Variants in TTC9 observed in about 807,000 individuals in gnomAD.
The protein encoded by TTC9 is tetratricopeptide repeat protein 9A.
In TTC9, 13 loss-of-function variants were observed where a neutral mutation model predicts 22.9. The ratio of observed to expected loss-of-function variants is 0.57; its 90% CI spans 0.37 to 0.90. TTC9 has a LOEUF of 0.90. TTC9 is among the 40% of genes least tolerant of loss of function. TTC9 has a pLI of 0.01. For synonymous variants in TTC9, 148 were observed against 133.2 expected (o/e 1.11, Z -0.77); for missense variants, 280 against 291.8 (o/e 0.96, Z 0.29).
chr14:70,650,502 G>A (rs1885968680), intron 1 of TTC9, among the ~76,000 whole-genome samples: 1 of 152,142 alleles, frequency 6.6e-6, no homozygotes, highest in Non-Finnish European at 1.5e-5. Context: ...ATTCTCTTCA[G>A]ACATCTTCTT....
chr14:70,656,210 TACACACACACACACAC>T (rs34334641), intron 1 of TTC9, among the ~76,000 whole-genome samples: 2 of 147,910 alleles, frequency 1.4e-5, no homozygotes, highest in South Asian at 2.2e-4. Context: ...TTCACCCTGA[TACACACACACACACAC>T]ACACACACAC....
At position 70,672,968 on chromosome 14, in the gene TTC9, A is replaced by G. The variant is rs992933781; in HGVS notation, c.*1813A>G. ...GAACAGGACAATATGTATTAACCTG[A>G]AAAGTGTTCATGATGTCAGTGATAG... On this transcript the variant is annotated 3_prime_UTR_variant, in exon 3 of 3. Coordinates refer to ENST00000256367, the MANE Select transcript of TTC9 (RefSeq NM_015351.2). 1 of 152,210 alleles carries G rather than the reference A, an allele frequency of 6.6e-6. No homozygotes were observed. The highest frequency in any genetic ancestry group is 6.6e-5 in the Admixed American group (1 of 15,266). 9.4% of individuals were successfully genotyped at this position (152,210 alleles called of 1,614,324 possible). A position where few individuals can be genotyped will look rare whatever the true frequency, so the allele number is the denominator to read the frequency against.
chr14:70,659,559 T>A (rs183522045), intron 1 of TTC9, among the ~76,000 whole-genome samples: 29 of 152,112 alleles, frequency 1.9e-4, no homozygotes, highest in Admixed American at 3.9e-4. Context: ...AACTTTGCAG[T>A]TGGTTTTGTT....
intron 1 of TTC9, among the ~76,000 whole-genome samples, chr14:70,661,380 G>A (rs1367571290): frequency 3.3e-5 from 5 of 152,138 alleles, no homozygotes; most frequent in Admixed American, 2.6e-4. Flanking sequence ...AAATGGATAC[G>A]GTGCAACCCC....
At position 70,672,830 on chromosome 14, in the gene TTC9, G is replaced by A. The variant is rs553339923; in HGVS notation, c.*1675G>A. Reference sequence around the variant, plus strand: ...ATCCCAAGGTTGCATGGCCTTTAGTGGCATAGCTAGGATTTGAACCAGGCC... The same window carrying A: ...ATCCCAAGGTTGCATGGCCTTTAGTAGCATAGCTAGGATTTGAACCAGGCC... On this transcript the variant is annotated 3_prime_UTR_variant, in exon 3 of 3. Transcript: ENST00000256367. The A allele has an allele frequency of 3.9e-5, 6 of 152,342 alleles. No homozygotes were observed. The East Asian group carries it at 9.6e-4, about 24-fold the overall frequency. The allele number at this position is 152,342 out of a possible 1,614,324, so 9.4% of individuals were successfully genotyped here.
chr14:70,650,634 G>C (rs1885971525), intron 1 of TTC9, among the ~76,000 whole-genome samples: 1 of 128,130 alleles, frequency 7.8e-6, no homozygotes, highest in East Asian at 2.6e-4. Context: ...CTGATTTTCA[G>C]AAAATTAAGG....
chr14:70,650,164 A>G (rs2008318), intron 1 of TTC9, among the ~76,000 whole-genome samples: 112,869 of 152,118 alleles, frequency 0.74, 42,732 homozygotes, highest in Non-Finnish European at 0.81. Flanking sequence ...AGTGGCTCAC[A>G]GCGGTGCAGC....
At chr14:70,668,181 A>C (rs926550578) in intron 2 of TTC9, among the ~76,000 whole-genome samples, 1 of 152,220 alleles carries the variant, frequency 6.6e-6, no homozygotes, top group African/African-American at 2.4e-5. Flanking sequence ...AGCACCTTTC[A>C]GGAAGCATGC....
chr14:70,655,422 A>C (rs1439981801), intron 1 of TTC9, among the ~76,000 whole-genome samples: 1 of 150,894 alleles, frequency 6.6e-6, no homozygotes, highest in Non-Finnish European at 1.5e-5. Flanking sequence ...AAAAAAAACA[A>C]AGAAGAAGGT....
rs1443629252 is a variant in TTC9, at chr14:70,642,554, C to G, written c.406+19C>G. 5.9e-6 allele frequency: 9 copies of G among 1,528,036 alleles called. No homozygotes were observed. The East Asian group carries it at 7.6e-5, about 13-fold the overall frequency. The allele number at this position is 1,528,036 out of a possible 1,614,324, so 94.7% of individuals were successfully genotyped here. A position where few individuals can be genotyped will look rare whatever the true frequency, so the allele number is the denominator to read the frequency against. On this transcript the variant is annotated intron_variant, in intron 1 of 2. Transcript: ENST00000256367. ...CTGGCAGGTGAGCCGCGCCGCGCCC[C>G]CCGCGCCGCGGTCCCCGTTCTTCGG...
In TTC9 at chr14:70,642,048, G is replaced by A; in HGVS notation, c.-82G>A. 1.0e-6 allele frequency: 1 copy of A among 967,046 alleles called. No homozygotes were observed. The highest frequency in any genetic ancestry group is 1.2e-6 in the Non-Finnish European group (1 of 808,056). The allele number at this position is 967,046 out of a possible 1,614,324, so 59.9% of individuals were successfully genotyped here. A position where few individuals can be genotyped will look rare whatever the true frequency, so the allele number is the denominator to read the frequency against. ...GCGAGGCGCGGGGCCGGCGCCCGCG[G>A]CTTTTAAACCCGGGAAGGCGCGGCG... is the stretch of plus-strand genomic sequence containing the variant. On this transcript the variant is annotated 5_prime_UTR_variant, in exon 1 of 3. Coordinates refer to ENST00000256367, the MANE Select transcript of TTC9 (RefSeq NM_015351.2).
chr14:70,671,257 C>T lies in TTC9; in HGVS notation c.*102C>T. ...GGATTCTGTCCCTTTCTCCCCACTT[C>T]TTCTGGCTCCTCATTTTTCCTCCTG... is the stretch of plus-strand genomic sequence containing the variant. On this transcript the variant is annotated 3_prime_UTR_variant, in exon 3 of 3. Coordinates refer to ENST00000256367, the MANE Select transcript of TTC9 (RefSeq NM_015351.2). 1 of 940,232 alleles carries T rather than the reference C, an allele frequency of 1.1e-6. No homozygotes were observed. The highest frequency in any genetic ancestry group is 1.5e-5 in the South Asian group (1 of 66,836). 58.2% of individuals were successfully genotyped at this position (940,232 alleles called of 1,614,324 possible).
chr14:70,673,859 G>A lies in TTC9; in HGVS notation c.*2704G>A, dbSNP rs1164670872. On this transcript the variant is annotated 3_prime_UTR_variant, in exon 3 of 3. Coordinates refer to ENST00000256367, the MANE Select transcript of TTC9 (RefSeq NM_015351.2). ...ATGTAGAAAGATCAAAAACCAGAAC[G>A]AAATGAAGACAGCCTCTCAGAACCT... The A allele has an allele frequency of 2.0e-5, 3 of 152,074 alleles. No homozygotes were observed. Among genetic ancestry groups the A allele is most frequent in the South Asian group, 2.1e-4 (1 of 4,818 alleles). 9.4% of individuals were successfully genotyped at this position (152,074 alleles called of 1,614,324 possible).
At position 70,671,185 on chromosome 14, in the gene TTC9, G is replaced by A. The variant is rs376686349; in HGVS notation, c.*30G>A. The A allele has an allele frequency of 2.7e-5, 43 of 1,599,952 alleles. No homozygotes were observed. The highest frequency in any genetic ancestry group is 2.4e-4 in the South Asian group (22 of 90,580). ...GAAGCAGCTCCAGAGCTGCGCCCAC[G>A]CCTGACCGGGGACTTCCAGGCATCC... On this transcript the variant is annotated 3_prime_UTR_variant, in exon 3 of 3. Transcript: ENST00000256367.
chr14:70,654,759 A>G (rs1238169727), intron 1 of TTC9, among the ~76,000 whole-genome samples: 2 of 152,198 alleles, frequency 1.3e-5, no homozygotes, highest in Non-Finnish European at 2.9e-5. Flanking sequence ...AAGCCCGAAT[A>G]GGCTCAGAGA....
At chr14:70,670,269 TGAG>T (rs751031763) in intron 2 of TTC9, among the ~76,000 whole-genome samples, 1 of 152,122 alleles carries the variant, frequency 6.6e-6, no homozygotes, top group Non-Finnish European at 1.5e-5. Context: ...TTTGTCACAG[TGAG>T]GAGAAGGATA....
At position 70,669,711 on chromosome 14, in the gene TTC9, G is replaced by T. The variant is rs189053183; in HGVS notation, c.590-1365G>T. Among the ~76,000 whole-genome samples the T allele has an allele frequency of 1.1e-4, 16 of 151,180 alleles. No homozygotes were observed. The East Asian group carries it at 3.1e-3, about 29-fold the overall frequency. On this transcript the variant is annotated intron_variant, in intron 2 of 2. Transcript: ENST00000256367. The stretch of plus-strand genomic sequence containing the variant: ...ACACCTTGTTGTTGATTTATTTTCC[G>T]TACATAAATCGTGTTCCACCAACTG...
intron 1 of TTC9, among the ~76,000 whole-genome samples, chr14:70,660,411 G>A (rs1370820692): frequency 1.3e-5 from 2 of 152,190 alleles, no homozygotes; most frequent in Admixed American, 6.5e-5. Context: ...GACTCAAGAT[G>A]GAAATTTTCT....
Position 70,674,486 on chromosome 14 carries a change from C to G in TTC9, c.*3331C>G, listed in dbSNP as rs1315327852. 4 of 152,162 alleles carry G rather than the reference C, an allele frequency of 2.6e-5. No homozygotes were observed. The highest frequency in any genetic ancestry group is 9.7e-5 in the African/African-American group (4 of 41,442). The allele number at this position is 152,162 out of a possible 1,614,324, so 9.4% of individuals were successfully genotyped here. A position where few individuals can be genotyped will look rare whatever the true frequency, so the allele number is the denominator to read the frequency against. On this transcript the variant is annotated 3_prime_UTR_variant, in exon 3 of 3. Coordinates refer to ENST00000256367, the MANE Select transcript of TTC9 (RefSeq NM_015351.2). ...CTGAATATACTCTTTAATAACTTTT[C>G]AAGTGTGTATTTATATTTTAGAATA... is the stretch of plus-strand genomic sequence containing the variant.
Sources: gnomAD v4.1 joint callset for allele counts (sites outside exome capture counted in the v4.1 genomes callset) on GRCh38, gnomAD v4.1.1 for gene constraint, MANE v1.5 for transcripts, NCBI Gene and HGNC (gene_info 2026-07-23, HGNC 2026-07-21) for gene names.